The following ARAF variants were observed in gnomAD, a reference collection of about 807,000 sequenced individuals.
ARAF encodes the protein serine/threonine-protein kinase A-Raf.
A neutral mutation model predicts 48.0 loss-of-function variants in ARAF; 18 were observed. The observed-to-expected ratio is 0.37, with a 90% CI of 0.26 to 0.56. The LOEUF (loss-of-function observed/expected upper bound fraction) is 0.56, where lower values mean the gene tolerates loss of function less well. ARAF is among the 20% of genes least tolerant of loss of function. The probability of loss-of-function intolerance (pLI) is 0.77; values close to 1 mark genes in which losing one functional copy is unlikely to be tolerated. For missense variants in ARAF, 389 were observed against 543.1 expected (o/e 0.72, Z 2.82); for synonymous variants, 207 against 220.1 (o/e 0.94, Z 0.53).
intron 2 of ARAF, 37 bp from the exon 3 acceptor site, chrX:47,563,189 G>C: frequency 8.5e-7 from 1 of 1,172,555 alleles, no homozygotes; most frequent in Non-Finnish European, 1.2e-6. Flanking sequence ...CGCTTCTGTT[G>C]GGCATTGAGG....
intron 3 of ARAF, among the ~76,000 whole-genome samples, chrX:47,563,936 C>T (rs1266442565): frequency 8.9e-6 from 1 of 111,818 alleles, no homozygotes; most frequent in Non-Finnish European, 1.9e-5. Context: ...AAGTGATGGG[C>T]GGTAGCGTAG....
Position 47,563,004 on chromosome X carries a change from G to A in ARAF, c.37G>A (p.Glu13Lys), listed in dbSNP as rs749564014. The A allele has an allele frequency of 8.0e-5, 96 of 1,193,779 alleles. No homozygotes were observed. Among genetic ancestry groups the A allele is most frequent in the Non-Finnish European group, 1.0e-4 (91 of 886,974 alleles). ...PPRGPPANGA[E>K]PSRAVGTVKV... ...ACGGGGCCCCCCTGCCAATGGGGCCGAGCCATCCCGGGCAGTGGGCACCGT... is the reference window on the plus strand; with the variant it reads ...ACGGGGCCCCCCTGCCAATGGGGCCAAGCCATCCCGGGCAGTGGGCACCGT... Residue 13 changes from glutamate (E) to lysine (K), a missense_variant, in exon 2 of 16, where the codon GAG becomes AAG. Transcript: ENST00000377045.
chrX:47,571,115 G>A, intron 15 of ARAF, 103 bp downstream of exon 15: 1 of 812,789 alleles, frequency 1.2e-6, no homozygotes, highest in Non-Finnish European at 1.7e-6. Context: ...GGTATAGTGT[G>A]TGTGTGTGTG....
At chrX:47,561,563 G>A (rs2057708505) in intron 1 of ARAF, among the ~76,000 whole-genome samples, 1 of 111,253 alleles carries the variant, frequency 9.0e-6, no homozygotes, top group Admixed American at 9.5e-5. Context: ...CTTAACCCCC[G>A]CTAAGGTGTC....
In ARAF at chrX:47,568,990, C is replaced by T; in HGVS notation, c.1257C>T (p.Tyr419=). 4.2e-6 allele frequency: 5 copies of T among 1,204,420 alleles called. No homozygotes were observed. Among genetic ancestry groups the T allele is most frequent in the Non-Finnish European group, 4.5e-6 (4 of 892,070 alleles). The change falls in exon 12 of 16, where the codon TAC becomes TAT. Residue 419 remains tyrosine, a synonymous_variant. Coordinates refer to ENST00000377045, the MANE Select transcript of ARAF (RefSeq NM_001654.5). The stretch of plus-strand genomic sequence containing the variant: ...CCACCTGCCTCCACCCCCACAGCTA[C>T]CTCCATGCCAAGAACATCATCCACC... ...VARQTAQGMD[Y]LHAKNIIHRD...
chrX:47,562,198 A>G (rs1396197770), intron 1 of ARAF, among the ~76,000 whole-genome samples: 1 of 110,585 alleles, frequency 9.0e-6, no homozygotes, highest in Non-Finnish European at 1.9e-5. Context: ...TCACCACAGT[A>G]ACTGGCATTT....
In ARAF at chrX:47,571,634, C is replaced by T. The variant is rs112568375; in HGVS notation, c.*177C>T. ...AGTTCTTCTGGAATTGGGGGACCCCCGCCAAAGACTGAGCCCCCTGTCTCC... is the reference window on the plus strand; with the variant it reads ...AGTTCTTCTGGAATTGGGGGACCCCTGCCAAAGACTGAGCCCCCTGTCTCC... On this transcript the variant is annotated 3_prime_UTR_variant, in exon 16 of 16. Coordinates refer to ENST00000377045, the MANE Select transcript of ARAF (RefSeq NM_001654.5). 1.4e-3 allele frequency: 893 copies of T among 658,540 alleles called. 7 individuals are homozygous for T. The African/African-American group carries it at 0.017, about 13-fold the overall frequency. 54.3% of individuals were successfully genotyped at this position (658,540 alleles called of 1,213,427 possible).
chrX:47,568,603 A>T, intron 10 of ARAF, 115 bp from the exon 11 acceptor site: 1 of 823,254 alleles, frequency 1.2e-6, no homozygotes, highest in Non-Finnish European at 1.7e-6. Context: ...GCCCCAAAAG[A>T]CAGGGTGAAA....
In ARAF at chrX:47,571,589, G is replaced by A; in HGVS notation, c.*132G>A. On this transcript the variant is annotated 3_prime_UTR_variant, in exon 16 of 16. Coordinates refer to ENST00000377045, the MANE Select transcript of ARAF (RefSeq NM_001654.5). ...CCATTCCCCACCCTGGGAGATGAGG[G>A]GGTCCCCATGTGCTTTTCCAGTTCT... 1.0e-6 allele frequency: 1 copy of A among 958,968 alleles called. No homozygotes were observed. The highest frequency in any genetic ancestry group is 1.4e-6 in the Non-Finnish European group (1 of 728,980). The allele number at this position is 958,968 out of a possible 1,213,427, so 79.0% of individuals were successfully genotyped here.
chrX:47,564,302 C>T (rs1483797435), intron 3 of ARAF, among the ~76,000 whole-genome samples: 1 of 112,003 alleles, frequency 8.9e-6, no homozygotes, highest in Admixed American at 9.4e-5. Flanking sequence ...TGTCCTTTCA[C>T]GATGTCATGA....
At position 47,570,951 on chromosome X, in the gene ARAF, T is replaced by C. The variant is rs768342528; in HGVS notation, c.1625T>C (p.Met542Thr). 6 of 1,211,714 alleles carry C rather than the reference T, an allele frequency of 5.0e-6. No homozygotes were observed. The highest frequency in any genetic ancestry group is 6.7e-6 in the Non-Finnish European group (6 of 895,416). The change falls in exon 15 of 16, where the codon ATG becomes ACG. Residue 542 changes from methionine (M) to threonine (T), a missense_variant. Met to Thr is a moderately conservative substitution (Grantham distance 81, BLOSUM62 -1). Coordinates refer to ENST00000377045, the MANE Select transcript of ARAF (RefSeq NM_001654.5). ...SKISSNCPKA[M>T]RRLLSDCLKF... ...ATCTCCAGCAACTGCCCCAAGGCCA[T>C]GCGGCGCCTGCTGTCTGACTGCCTC...
intron 10 of ARAF, 135 bp downstream of exon 10, chrX:47,567,567 C>A: frequency 1.4e-6 from 1 of 697,571 alleles, no homozygotes; most frequent in Non-Finnish European, 2.1e-6. Flanking sequence ...AGTTGTTTCT[C>A]TCTGAAGGGT....
chrX:47,566,805 G>A lies in ARAF; in HGVS notation c.699+25G>A, dbSNP rs183656189. ...GGTTGGTGCTGTGGGGGACAATGCC[G>A]GGGACCACAGGGCAGAGGGTAGAGC... is the stretch of plus-strand genomic sequence containing the variant. On this transcript the variant is annotated intron_variant, in intron 7 of 15. Coordinates refer to ENST00000377045, the MANE Select transcript of ARAF (RefSeq NM_001654.5). 3.8e-5 allele frequency: 46 copies of A among 1,209,287 alleles called. No individual in the cohort carries two copies. The African/African-American group carries it at 5.4e-4, about 14-fold the overall frequency.
chrX:47,568,936 G>A, intron 11 of ARAF, 42 bp downstream of exon 11: 2 of 1,200,265 alleles, frequency 1.7e-6, no homozygotes, highest in Non-Finnish European at 2.2e-6. Flanking sequence ...GAAAGGGTGG[G>A]GGAAATGAGG....
At chrX:47,561,455 C>T (rs2057707604) in intron 1 of ARAF, among the ~76,000 whole-genome samples, 1 of 111,951 alleles carries the variant, frequency 8.9e-6, no homozygotes, top group Non-Finnish European at 1.9e-5. Context: ...GGCAAGGCTG[C>T]GGGTGATGGT....
At chrX:47,565,621 G>C (rs1363619944) in intron 6 of ARAF, 5 of 271,379 alleles carry the variant, frequency 1.8e-5, no homozygotes, top group Non-Finnish European at 2.5e-5. Flanking sequence ...TCAGTGCCTA[G>C]AACAGGATCT....
intron 10 of ARAF, 82 bp from the exon 11 acceptor site, chrX:47,568,636 G>A (rs1301767333): frequency 1.0e-4 from 104 of 1,037,300 alleles, no homozygotes; most frequent in Non-Finnish European, 1.3e-4. Flanking sequence ...GGAAGGTAAA[G>A]AACAGTGCCA....
intron 6 of ARAF, 125 bp downstream of exon 6, chrX:47,565,475 G>C (rs1400106582): frequency 2.9e-6 from 3 of 1,048,855 alleles, no homozygotes; most frequent in Non-Finnish European, 3.7e-6. Context: ...ACAAGTGTGA[G>C]TAAGGGCATG....
intron 10 of ARAF, among the ~76,000 whole-genome samples, chrX:47,568,452 G>A (rs911798907): frequency 9.1e-6 from 1 of 110,435 alleles, no homozygotes; most frequent in Non-Finnish European, 1.9e-5. Context: ...CAGGGAGGGG[G>A]AGGGGCAGCA....
Sources: allele counts gnomAD v4.1 joint callset (sites outside exome capture counted in the v4.1 genomes callset), GRCh38; gene constraint gnomAD v4.1.1; transcripts MANE v1.5; gene names NCBI Gene and HGNC (gene_info 2026-07-23, HGNC 2026-07-21).